The following ENOX1 variants were observed in gnomAD, a reference collection of about 807,000 sequenced individuals.
The protein encoded by ENOX1 is candidate growth-related and time keeping constitutive hydroquinone (NADH) oxidase.
In ENOX1, 42 loss-of-function variants were observed where a neutral mutation model predicts 82.5. The observed-to-expected ratio is 0.51, with a 90% CI of 0.40 to 0.66. The LOEUF (loss-of-function observed/expected upper bound fraction) is 0.66. Among genes scored for constraint, ENOX1 ranks in the 30% least tolerant of loss-of-function variants. The pLI is 0.00. For synonymous variants in ENOX1, 271 were observed against 282.2 expected (o/e 0.96, Z 0.40); for missense variants, 608 against 811.6 (o/e 0.75, Z 3.05).
At chr13:43,392,640 A>G (rs2052861634) in intron 5 of ENOX1, among the ~76,000 whole-genome samples, 1 of 152,228 alleles carries the variant, frequency 6.6e-6, no homozygotes, top group East Asian at 1.9e-4. Flanking sequence ...GGTTGCAGTG[A>G]GCCAAGATCA....
chr13:43,608,863 C>A (rs557461473), intron 2 of ENOX1, among the ~76,000 whole-genome samples: 1 of 152,288 alleles, frequency 6.6e-6, no homozygotes, highest in East Asian at 1.9e-4. Context: ...TGCAGAGTGT[C>A]CAGGTCTGAC....
At chr13:43,226,826 C>T (rs1392862082) in intron 15 of ENOX1, among the ~76,000 whole-genome samples, 2 of 152,190 alleles carry the variant, frequency 1.3e-5, no homozygotes, top group Non-Finnish European at 2.9e-5. Context: ...AGCAGCATTC[C>T]TCGGGTGGAC....
chr13:43,413,701 T>TATATATTTATATATATTTATATA (rs2054277409), intron 3 of ENOX1, among the ~76,000 whole-genome samples: 1 of 147,094 alleles, frequency 6.8e-6, no homozygotes, highest in Non-Finnish European at 1.5e-5. Flanking sequence ...ATATATATTT[T>TATATATTTATATATATTTATATA]TATATATTTA....
chr13:43,565,290 G>A (rs555405253), intron 2 of ENOX1, among the ~76,000 whole-genome samples: 19 of 152,292 alleles, frequency 1.2e-4, no homozygotes, highest in Non-Finnish European at 2.2e-4. Flanking sequence ...ACAAAAGAAA[G>A]GGCAGTGAGG....
At chr13:43,759,243 C>A (rs182412356) in intron 1 of ENOX1, among the ~76,000 whole-genome samples, 1 of 151,848 alleles carries the variant, frequency 6.6e-6, no homozygotes, top group African/African-American at 2.4e-5. Flanking sequence ...ATTACAGGCG[C>A]CTGCCACCAC....
intron 5 of ENOX1, among the ~76,000 whole-genome samples, chr13:43,391,635 T>TAA (rs2052782448): frequency 6.6e-6 from 1 of 152,154 alleles, no homozygotes; most frequent in African/African-American, 2.4e-5. Flanking sequence ...CTCACTCCCC[T>TAA]GTCATCTAAT....
At chr13:43,600,429 T>C (rs926557391) in intron 2 of ENOX1, among the ~76,000 whole-genome samples, 6 of 152,170 alleles carry the variant, frequency 3.9e-5, no homozygotes, top group African/African-American at 1.4e-4. Context: ...GTGGTAACCA[T>C]GAGGAGAGAC....
chr13:43,333,783 C>T (rs559797873), intron 9 of ENOX1, among the ~76,000 whole-genome samples: 34 of 152,280 alleles, frequency 2.2e-4, no homozygotes, highest in African/African-American at 6.3e-4. Context: ...CCACCACACC[C>T]GGCTAATTTT....
intron 8 of ENOX1, among the ~76,000 whole-genome samples, chr13:43,354,977 C>A (rs953686844): frequency 6.6e-6 from 1 of 152,218 alleles, no homozygotes; most frequent in East Asian, 1.9e-4. Flanking sequence ...AAGCATATTG[C>A]ATTTACCTTG....
intron 3 of ENOX1, among the ~76,000 whole-genome samples, chr13:43,475,043 T>C (rs1593388137): frequency 2.0e-5 from 3 of 152,102 alleles, no homozygotes; most frequent in Admixed American, 2.0e-4. Flanking sequence ...GAGTTGATTT[T>C]CTAAAGTAAA....
At chr13:43,699,485 G>A (rs2153808022) in intron 1 of ENOX1, among the ~76,000 whole-genome samples, 1 of 152,270 alleles carries the variant, frequency 6.6e-6, no homozygotes, top group Non-Finnish European at 1.5e-5. Context: ...TTTTGAATGA[G>A]CTGAAAACCA....
At chr13:43,356,964 G>C (rs1016671794) in intron 7 of ENOX1, among the ~76,000 whole-genome samples, 1 of 152,092 alleles carries the variant, frequency 6.6e-6, no homozygotes, top group Non-Finnish European at 1.5e-5. Context: ...ATCTTTGGGG[G>C]ATTCACTGTG....
Position 43,665,163 on chromosome 13 carries a change from C to T in ENOX1, c.-219+2316G>A, listed in dbSNP as rs183864838. Among the ~76,000 whole-genome samples the T allele has an allele frequency of 2.0e-5, 3 of 152,268 alleles. No homozygotes were observed. The East Asian group carries it at 5.8e-4, about 29-fold the overall frequency. On this transcript the variant is annotated intron_variant, in intron 2 of 16. Coordinates refer to ENST00000690772, the MANE Select transcript of ENOX1 (RefSeq NM_001347969.2). ...GCAGGGCTCCTAAAGATGCCTACCT[C>T]ACTCCTAGGAGGAGATCTGACCCTG...
chr13:43,253,541 C>T (rs1048924788), intron 14 of ENOX1, among the ~76,000 whole-genome samples: 1 of 152,232 alleles, frequency 6.6e-6, no homozygotes, highest in Non-Finnish European at 1.5e-5. Context: ...CCAGCACTGG[C>T]TGGTGCATTT....
intron 2 of ENOX1, among the ~76,000 whole-genome samples, chr13:43,649,290 C>T (rs2084040685): frequency 6.6e-6 from 1 of 152,168 alleles, no homozygotes; most frequent in Admixed American, 6.5e-5. Context: ...TCCAAGTAAT[C>T]TGTCTCAACC....
chr13:43,703,060 C>G (rs1379900101), intron 1 of ENOX1, among the ~76,000 whole-genome samples: 1 of 151,426 alleles, frequency 6.6e-6, no homozygotes, highest in Non-Finnish European at 1.5e-5. Context: ...CAGGCCTCTA[C>G]CAGACAGCAG....
At chr13:43,396,601 G>A (rs1195294548) in intron 5 of ENOX1, among the ~76,000 whole-genome samples, 2 of 151,954 alleles carry the variant, frequency 1.3e-5, no homozygotes, top group Non-Finnish European at 2.9e-5. Context: ...GGCTGGTCTC[G>A]AACTCCTGAC....
intron 2 of ENOX1, among the ~76,000 whole-genome samples, chr13:43,630,855 A>ATC (rs2083176373): frequency 3.2e-5 from 1 of 31,306 alleles, no homozygotes; most frequent in Non-Finnish European, 1.2e-4. Context: ...ACATATATAT[A>ATC]TATATACACA....
At chr13:43,540,446 G>GA (rs1218386679) in intron 2 of ENOX1, among the ~76,000 whole-genome samples, 4 of 151,704 alleles carry the variant, frequency 2.6e-5, no homozygotes, top group African/African-American at 4.8e-5. Context: ...TTGAAAAAAA[G>GA]AAAAAAAACT....
Sources: gnomAD v4.1 joint callset for allele counts (sites outside exome capture counted in the v4.1 genomes callset) on GRCh38, gnomAD v4.1.1 for gene constraint, MANE v1.5 for transcripts, NCBI Gene and HGNC (gene_info 2026-07-23, HGNC 2026-07-21) for gene names.